NEGR1: variants seen among roughly 807,000 people sequenced by gnomAD.
NEGR1 encodes IgLON family member 4.
A neutral mutation model predicts 40.9 loss-of-function variants in NEGR1; 10 were observed. That is an observed-to-expected ratio of 0.24 (90% CI 0.15 to 0.42). The LOEUF is 0.42. Among genes scored for constraint, NEGR1 ranks in the 10% least tolerant of loss-of-function variants. The pLI is 1.00. For synonymous variants in NEGR1, 185 were observed against 166.8 expected, an observed-to-expected ratio of 1.11 and a Z score of -0.84; for missense variants, 352 against 438.9, an observed-to-expected ratio of 0.80 and a Z score of 1.77.
At chr1:71,603,284 G>A (rs928558720) in intron 5 of NEGR1, among the ~76,000 whole-genome samples, 6 of 152,134 alleles carry the variant, frequency 3.9e-5, no homozygotes, top group South Asian at 2.1e-4. Flanking sequence ...AACTGCCTAC[G>A]TTGCATATAA....
At chr1:71,797,666 T>G (rs1657388436) in intron 2 of NEGR1, among the ~76,000 whole-genome samples, 1 of 151,480 alleles carries the variant, frequency 6.6e-6, no homozygotes, top group Non-Finnish European at 1.5e-5. Context: ...TTAAATGCTG[T>G]TGGATTGAAG....
At chr1:71,550,927 C>T (rs566742826) in intron 6 of NEGR1, among the ~76,000 whole-genome samples, 12 of 151,666 alleles carry the variant, frequency 7.9e-5, no homozygotes, top group African/African-American at 2.9e-4. Flanking sequence ...GTGTATAATG[C>T]ATCTCTTAAG....
chr1:72,105,469 C>T (rs373171614), intron 1 of NEGR1, among the ~76,000 whole-genome samples: 4 of 151,580 alleles, frequency 2.6e-5, no homozygotes, highest in East Asian at 3.9e-4. Flanking sequence ...GGTGGGGGGC[C>T]GAGGCAGGAG....
At chr1:71,704,204 A>C (rs1360146874) in intron 3 of NEGR1, among the ~76,000 whole-genome samples, 2 of 136,902 alleles carry the variant, frequency 1.5e-5, no homozygotes, top group Non-Finnish European at 1.6e-5. Flanking sequence ...CACACACACA[A>C]GATTTAAAAT....
intron 6 of NEGR1, among the ~76,000 whole-genome samples, chr1:71,498,316 A>G (rs1214893980): frequency 6.6e-6 from 1 of 151,898 alleles, no homozygotes; most frequent in Non-Finnish European, 1.5e-5. Flanking sequence ...GTGGTGGACT[A>G]GTTGACTTCC....
At chr1:71,476,605 G>A (rs928734857) in intron 6 of NEGR1, among the ~76,000 whole-genome samples, 1 of 152,068 alleles carries the variant, frequency 6.6e-6, no homozygotes, top group Non-Finnish European at 1.5e-5. Flanking sequence ...CCTCCTGAGG[G>A]TCTGAAAACA....
intron 1 of NEGR1, among the ~76,000 whole-genome samples, chr1:72,100,283 C>T (rs1338178359): frequency 6.6e-6 from 1 of 152,010 alleles, no homozygotes; most frequent in African/African-American, 2.4e-5. Context: ...CTATACTAGC[C>T]CCTGCTGAGA....
chr1:71,903,910 T>C (rs1329437962), intron 2 of NEGR1, among the ~76,000 whole-genome samples: 1 of 151,880 alleles, frequency 6.6e-6, no homozygotes, highest in Non-Finnish European at 1.5e-5. Flanking sequence ...GACTTTAACG[T>C]TAGTGTGCAT....
chr1:71,823,926 G>C (rs1457181696), intron 2 of NEGR1, among the ~76,000 whole-genome samples: 1 of 152,008 alleles, frequency 6.6e-6, no homozygotes, highest in Non-Finnish European at 1.5e-5. Context: ...GATCACACAG[G>C]TTTTATGGCA....
chr1:71,734,185 C>T (rs1254165623), intron 3 of NEGR1, among the ~76,000 whole-genome samples: 1 of 152,084 alleles, frequency 6.6e-6, no homozygotes, highest in Non-Finnish European at 1.5e-5. Context: ...ACATCTTCAC[C>T]AAAAGAATAG....
chr1:72,244,745 A>G (rs1003523372), intron 1 of NEGR1, among the ~76,000 whole-genome samples: 2 of 151,950 alleles, frequency 1.3e-5, no homozygotes, highest in South Asian at 2.1e-4. Context: ...AATATATAAC[A>G]TTATTCTATA....
At chr1:71,921,741 C>G in intron 2 of NEGR1, among the ~76,000 whole-genome samples, 1 of 124,734 alleles carries the variant, frequency 8.0e-6, no homozygotes, top group South Asian at 2.6e-4. Context: ...TATAGAATAC[C>G]ATCGCATGGT....
chr1:71,850,820 A>G (rs1278187882), intron 2 of NEGR1, among the ~76,000 whole-genome samples: 1 of 152,138 alleles, frequency 6.6e-6, no homozygotes, highest in African/African-American at 2.4e-5. Flanking sequence ...TAAAGACTCT[A>G]ACACTGGTTT....
intron 1 of NEGR1, among the ~76,000 whole-genome samples, chr1:72,267,579 A>T (rs1050615566): frequency 2.0e-5 from 3 of 151,338 alleles, no homozygotes; most frequent in African/African-American, 7.3e-5. Flanking sequence ...CTCACCAATT[A>T]TTGAAATTGC....
intron 2 of NEGR1, among the ~76,000 whole-genome samples, chr1:71,885,629 A>G (rs1660703205): frequency 6.6e-6 from 1 of 152,200 alleles, no homozygotes; most frequent in African/African-American, 2.4e-5. Context: ...TAACCTTGGA[A>G]AATGGTTGAC....
In NEGR1 at chr1:71,397,303, G is replaced by A. The variant is rs1364135601; in HGVS notation, c.*10143C>T. On this transcript the variant is annotated 3_prime_UTR_variant, in exon 7 of 7. Coordinates refer to ENST00000357731, the MANE Select transcript of NEGR1 (RefSeq NM_173808.3). ...GCATTCAACAGGTGACTTGGGTGTT[G>A]TTAAAGGCATTCAGTGTTCTGTTCT... The A allele has an allele frequency of 6.5e-6, 1 of 154,676 alleles. No homozygotes were observed. Among genetic ancestry groups the A allele is most frequent in the African/African-American group, 2.4e-5 (1 of 41,470 alleles). 9.6% of individuals were successfully genotyped at this position (154,676 alleles called of 1,614,324 possible).
intron 2 of NEGR1, among the ~76,000 whole-genome samples, chr1:71,816,541 C>A (rs1171078583): frequency 6.6e-6 from 1 of 151,968 alleles, no homozygotes; most frequent in Non-Finnish European, 1.5e-5. Flanking sequence ...CATCAGATCT[C>A]ATGAAACTTA....
At position 72,068,839 on chromosome 1, in the gene NEGR1, G is replaced by T. The variant is rs201188320; in HGVS notation, c.177-133528C>A. ...TCTTGAGGAATTTTCTAGATGTAAG[G>T]ATATAGTAGCAGCTAAATATGTAAT... On this transcript the variant is annotated intron_variant, in intron 1 of 6. Transcript: ENST00000357731. Among the ~76,000 whole-genome samples the T allele has an allele frequency of 3.1e-4, 47 of 151,928 alleles. 4 individuals carry two copies. The East Asian group carries it at 4.2e-3, about 14-fold the overall frequency.
chr1:72,279,454 CTG>C (rs758765406), intron 1 of NEGR1, among the ~76,000 whole-genome samples: 1 of 151,276 alleles, frequency 6.6e-6, no homozygotes. Context: ...ATTAAAGACA[CTG>C]TGAGGAATAT....
Sources: allele counts gnomAD v4.1 joint callset (sites outside exome capture counted in the v4.1 genomes callset), GRCh38; gene constraint gnomAD v4.1.1; transcripts MANE v1.5; gene names NCBI Gene and HGNC (gene_info 2026-07-23, HGNC 2026-07-21).